C1QTNF2: variants seen among roughly 807,000 people sequenced by gnomAD.
The protein encoded by C1QTNF2 is C1q and TNF related 2, also known as complement C1q tumor necrosis factor-related protein 2.
A neutral mutation model predicts 17.4 loss-of-function variants in C1QTNF2; 15 were observed. That is an observed-to-expected ratio of 0.86 (90% CI 0.58 to 1.33). The LOEUF (loss-of-function observed/expected upper bound fraction) is 1.33, where lower values mean the gene tolerates loss of function less well. Ranked by LOEUF, C1QTNF2 falls within the 40% of genes most tolerant of loss-of-function variation. C1QTNF2 has a pLI of 0.00. For missense variants in C1QTNF2, 381 were observed against 392.3 expected (o/e 0.97, Z 0.24); for synonymous variants, 154 against 163.3 (o/e 0.94, Z 0.44).
chr5:160,364,077 C>A (rs573389131), intron 1 of C1QTNF2, among the ~76,000 whole-genome samples: 1 of 152,194 alleles, frequency 6.6e-6, no homozygotes, highest in Non-Finnish European at 1.5e-5. Context: ...TGCTATTTAG[C>A]CCTTGATTTC....
At chr5:160,356,407 G>A (rs780745951) in intron 1 of C1QTNF2, among the ~76,000 whole-genome samples, 2 of 152,254 alleles carry the variant, frequency 1.3e-5, no homozygotes, top group African/African-American at 2.4e-5. Context: ...TTAGCACACA[G>A]GTTGTTGGGC....
chr5:160,365,958 T>A (rs202099410), intron 1 of C1QTNF2, among the ~76,000 whole-genome samples: 332 of 57,050 alleles, frequency 5.8e-3, no homozygotes, highest in African/African-American at 9.7e-3. Flanking sequence ...TTTTAAAAAA[T>A]TTTTTAATTT....
intron 1 of C1QTNF2, chr5:160,355,316 T>C: frequency 4.6e-6 from 4 of 868,308 alleles, no homozygotes; most frequent in South Asian, 5.3e-5. Context: ...GCAGAACTTA[T>C]GACCCAGAGA....
intron 1 of C1QTNF2, chr5:160,355,357 G>A (rs1280410280): frequency 6.4e-6 from 3 of 466,622 alleles, no homozygotes; most frequent in Non-Finnish European, 8.4e-6. Flanking sequence ...TGAATGGAGA[G>A]AAATGATCCA....
intron 2 of C1QTNF2, among the ~76,000 whole-genome samples, chr5:160,350,844 A>G (rs553842459): frequency 8.8e-4 from 130 of 148,494 alleles, no homozygotes; most frequent in Admixed American, 2.5e-3. Context: ...TCCGCCTCCC[A>G]GGTTCACACC....
chr5:160,355,675 G>T (rs1764035054), intron 1 of C1QTNF2, among the ~76,000 whole-genome samples: 1 of 152,248 alleles, frequency 6.6e-6, no homozygotes, highest in African/African-American at 2.4e-5. Context: ...GAGGCTCAGA[G>T]AAGTTGAGCA....
chr5:160,363,368 C>T (rs1357082391), intron 1 of C1QTNF2, among the ~76,000 whole-genome samples: 5 of 152,174 alleles, frequency 3.3e-5, no homozygotes, highest in Non-Finnish European at 7.3e-5. Context: ...TGGAAACTGT[C>T]CAGAATCCAG....
At chr5:160,360,094 C>T (rs1764125544) in intron 1 of C1QTNF2, among the ~76,000 whole-genome samples, 1 of 152,216 alleles carries the variant, frequency 6.6e-6, no homozygotes, top group South Asian at 2.1e-4. Flanking sequence ...CCAGGCATTC[C>T]CTGATGTGCC....
chr5:160,354,597 A>AATAT (rs769774870), intron 2 of C1QTNF2, among the ~76,000 whole-genome samples, 171 bp downstream of exon 2: 27 of 89,300 alleles, frequency 3.0e-4, no homozygotes, highest in South Asian at 1.3e-3. Flanking sequence ...AAAAAAAAAA[A>AATAT]GTATATATAT....
chr5:160,360,581 T>C (rs755128830), intron 1 of C1QTNF2, among the ~76,000 whole-genome samples: 3 of 152,126 alleles, frequency 2.0e-5, no homozygotes, highest in African/African-American at 7.2e-5. Flanking sequence ...AGGTGCTCCA[T>C]AGAGAGCTGT....
Position 160,349,693 on chromosome 5 carries a change from C to T in C1QTNF2, c.333G>A (p.Lys111=), listed in dbSNP as rs746343664. 1.9e-6 allele frequency: 3 copies of T among 1,604,988 alleles called. No homozygotes were observed. Among genetic ancestry groups the T allele is most frequent in the Non-Finnish European group, 1.7e-6 (2 of 1,176,836 alleles). The change falls in exon 3 of 3, where the codon AAG becomes AAA. Residue 111 remains lysine, a synonymous_variant. Coordinates refer to ENST00000652664, the MANE Select transcript of C1QTNF2 (RefSeq NM_031908.6). The surrounding 1 kb of genome is among the most constrained non-coding windows in gnomAD (Gnocchi z 4.3). ...AIGRAGPRGP[K]GVNGTPGKHG... is the part of the protein sequence containing the mutation. ...GCTTCCCGGGGGTACCGTTGACCCC[C>T]TTGGGGCCACGGGGGCCAGCCCGCC...
chr5:160,354,105 G>A (rs1228503560), intron 2 of C1QTNF2, among the ~76,000 whole-genome samples: 2 of 152,008 alleles, frequency 1.3e-5, no homozygotes, highest in Non-Finnish European at 2.9e-5. Flanking sequence ...CGCCTGGCCT[G>A]ATGTCTCAGT....
At chr5:160,365,682 G>C (rs1764235701) in intron 1 of C1QTNF2, among the ~76,000 whole-genome samples, 1 of 152,234 alleles carries the variant, frequency 6.6e-6, no homozygotes, top group Non-Finnish European at 1.5e-5. Flanking sequence ...CTTGGGCCAA[G>C]TTATTTAATC....
chr5:160,369,456 T>G (rs1404758498), intron 1 of C1QTNF2, among the ~76,000 whole-genome samples: 1 of 151,988 alleles, frequency 6.6e-6, no homozygotes, highest in Admixed American at 6.6e-5. Context: ...GCAGGAGTAA[T>G]TGATATAATT....
chr5:160,349,268 T>C lies in C1QTNF2; in HGVS notation c.758A>G (p.Tyr253Cys). 1.2e-6 allele frequency: 2 copies of C among 1,614,054 alleles called. No individual in the cohort carries two copies. The highest frequency in any genetic ancestry group is 1.7e-6 in the Non-Finnish European group (2 of 1,180,010). Reference protein sequence around the residue: ...QGDEVWLQIFYSEQNGLFYDP... With the variant: ...QGDEVWLQIFCSEQNGLFYDP... Reference sequence around the variant, plus strand: ...ATAGAAGAGCCCGTTCTGCTCTGAGTAGAAGATCTGCAGCCAAACTTCGTC... The same window carrying C: ...ATAGAAGAGCCCGTTCTGCTCTGAGCAGAAGATCTGCAGCCAAACTTCGTC... Residue 253 changes from tyrosine (Y) to cysteine (C), a missense_variant, in exon 3 of 3, where the codon TAC (tyrosine) becomes TGC (cysteine). By Grantham distance (194) the Tyr-to-Cys change is radical (BLOSUM62 -2). Transcript: ENST00000652664. This position sits in a 1 kb window ranked among gnomAD's most constrained non-coding sequence, Gnocchi z 4.3.
intron 2 of C1QTNF2, among the ~76,000 whole-genome samples, 164 bp downstream of exon 2, chr5:160,354,604 A>AG (rs1257622860): frequency 4.1e-5 from 1 of 24,258 alleles, no homozygotes; most frequent in Non-Finnish European, 1.2e-4. Context: ...AAAAGTATAT[A>AG]TATATATATA....
intron 1 of C1QTNF2, among the ~76,000 whole-genome samples, chr5:160,359,443 C>T (rs1389441831): frequency 6.6e-6 from 1 of 152,200 alleles, no homozygotes; most frequent in African/African-American, 2.4e-5. Context: ...GTCAGCATTT[C>T]TTATATTTTT....
At chr5:160,362,796 C>T (rs1030345703) in intron 1 of C1QTNF2, among the ~76,000 whole-genome samples, 13 of 152,106 alleles carry the variant, frequency 8.5e-5, no homozygotes, top group African/African-American at 2.9e-4. Flanking sequence ...ACTTACTGAT[C>T]GCGTGACTGT....
Position 160,350,194 on chromosome 5 carries a change from C to A in C1QTNF2, c.245-413G>T, listed in dbSNP as rs187617733. Among the ~76,000 whole-genome samples the A allele has an allele frequency of 1.4e-3, 206 of 152,158 alleles. 1 individual carries two copies. The highest frequency in any genetic ancestry group is 4.8e-3 in the African/African-American group (199 of 41,518). On this transcript the variant is annotated intron_variant, in intron 2 of 2. Coordinates refer to ENST00000652664, the MANE Select transcript of C1QTNF2 (RefSeq NM_031908.6). ...GCCTAGTGCATATAAGCCCTGCCCA[C>A]GTGTACAAGGATTTTATTGCAGCAT...
Sources: gnomAD v4.1 joint callset for allele counts (sites outside exome capture counted in the v4.1 genomes callset) on GRCh38, gnomAD v4.1.1 for gene constraint, Gnocchi (gnomAD v3.1) non-coding constraint, MANE v1.5 for transcripts, NCBI Gene and HGNC (gene_info 2026-07-23, HGNC 2026-07-21) for gene names.